Variants in SLC22A23 observed in about 807,000 individuals in gnomAD.
SLC22A23 encodes ion transporter protein.
SLC22A23 carries 26 observed loss-of-function variants against 61.0 expected under a neutral mutation model. The ratio of observed to expected loss-of-function variants is 0.43; its 90% CI spans 0.31 to 0.59. The LOEUF (loss-of-function observed/expected upper bound fraction) is 0.59. SLC22A23 is among the 20% of genes least tolerant of loss of function. The pLI, the probability that SLC22A23 is intolerant of heterozygous loss-of-function variation, is 0.11. For synonymous variants in SLC22A23, 430 were observed against 413.9 expected, an observed-to-expected ratio of 1.04 and a Z score of -0.47; for missense variants, 796 against 934.7, an observed-to-expected ratio of 0.85 and a Z score of 1.94.
intron 3 of SLC22A23, among the ~76,000 whole-genome samples, chr6:3,339,199 A>C (rs1764021492): frequency 6.6e-6 from 1 of 152,214 alleles, no homozygotes; most frequent in Admixed American, 6.5e-5. Flanking sequence ...CTCCTCTTCC[A>C]ACTTTAATAA....
chr6:3,315,641 G>A (rs1329575938), intron 4 of SLC22A23, among the ~76,000 whole-genome samples: 2 of 152,060 alleles, frequency 1.3e-5, no homozygotes, highest in Non-Finnish European at 2.9e-5. Flanking sequence ...CGAGGCAGGC[G>A]GATCACTAGG....
rs1374428178 is a variant in SLC22A23 at position 3,309,614 on chromosome 6, G to A, written c.1083-11396C>T. ...CTGACCATAATAAGGACTGTGGGCT[G>A]ACGAGCAGGTGGCAGGAGGCAGCGG... On this transcript the variant is annotated intron_variant, in intron 4 of 9. Coordinates refer to ENST00000406686, the MANE Select transcript of SLC22A23 (RefSeq NM_015482.2). The surrounding 1 kb of genome is among the most constrained non-coding windows in gnomAD (Gnocchi z 4.7). 3.3e-5 allele frequency among the ~76,000 whole-genome samples: 5 copies of A among 152,176 alleles called. No individual in the cohort carries two copies. Among genetic ancestry groups the A allele is most frequent in the Non-Finnish European group, 5.9e-5 (4 of 68,026 alleles).
At chr6:3,323,247 A>T (rs1393792046) in intron 4 of SLC22A23, 1 of 456,404 alleles carries the variant, frequency 2.2e-6, no homozygotes, top group South Asian at 1.5e-5. Context: ...AAATATTTTC[A>T]GCTTTATACC....
At chr6:3,298,966 G>A (rs1416433779) in intron 4 of SLC22A23, among the ~76,000 whole-genome samples, 2 of 117,888 alleles carry the variant, frequency 1.7e-5, no homozygotes, top group African/African-American at 8.0e-5. Context: ...GCGACAGAGC[G>A]AGACTCCGTC....
intron 3 of SLC22A23, among the ~76,000 whole-genome samples, chr6:3,351,659 C>T (rs1438369089): frequency 6.8e-6 from 1 of 146,878 alleles, no homozygotes; most frequent in Non-Finnish European, 1.5e-5. Context: ...CCTAAGAACA[C>T]GTCACTGGCC....
rs1207813531 is a variant in SLC22A23, at chr6:3,286,160, G to A, written c.1546+699C>T. Among the ~76,000 whole-genome samples, 1 of 150,822 alleles carries A rather than the reference G, an allele frequency of 6.6e-6. No individual in the cohort carries two copies. The highest frequency in any genetic ancestry group is 6.6e-5 in the Admixed American group (1 of 15,136). The stretch of plus-strand genomic sequence containing the variant: ...GTCACCCAGGCTGGAGTGCAGTGCT[G>A]CGATCTCAGCTTACTGCAACCTCTG... On this transcript the variant is annotated intron_variant, in intron 7 of 9. Transcript: ENST00000406686. This position sits in a 1 kb window ranked among gnomAD's most constrained non-coding sequence, Gnocchi z 4.2.
chr6:3,456,493 C>T lies in SLC22A23; in HGVS notation c.67G>A (p.Glu23Lys). The change falls in exon 1 of 10, where the codon GAG (glutamate) becomes AAG (lysine). Residue 23 changes from glutamate to lysine, a missense_variant. Glu to Lys is a moderately conservative substitution (Grantham distance 56). Transcript: ENST00000406686. The surrounding 1 kb of genome is among the most constrained non-coding windows in gnomAD (Gnocchi z 7.1). Reference sequence around the variant, plus strand: ...TCCCCGGGCGGCAGGGAGCCGTTCTCCTCGGCCGGGGCCGGCTGCCGCCCA... The same window carrying T: ...TCCCCGGGCGGCAGGGAGCCGTTCTTCTCGGCCGGGGCCGGCTGCCGCCCA... ...GPGRQPAPAE[E>K]NGSLPPGDAA... 8.9e-7 allele frequency: 1 copy of T among 1,119,102 alleles called. No individual in the cohort carries two copies. Among genetic ancestry groups the T allele is most frequent in the Non-Finnish European group, 1.1e-6 (1 of 917,670 alleles). 69.3% of individuals were successfully genotyped at this position (1,119,102 alleles called of 1,614,324 possible).
intron 3 of SLC22A23, among the ~76,000 whole-genome samples, chr6:3,344,234 G>T (rs1366465109): frequency 2.6e-5 from 4 of 152,194 alleles, no homozygotes; most frequent in African/African-American, 7.2e-5. Context: ...ATGTCAAAAT[G>T]AAAACACCTT....
rs9503570 is a variant in SLC22A23 at position 3,377,641 on chromosome 6, G to A, written c.913+32547C>T. Among the ~76,000 whole-genome samples the A allele has an allele frequency of 5.0e-3, 741 of 146,808 alleles. 6 individuals are homozygous for A. The highest frequency in any genetic ancestry group is 0.017 in the African/African-American group (673 of 39,446). Reference sequence around the variant, plus strand: ...AGTAAACTGTGCCCCTCCAAGTCTCGCACTGAACGTGTCTAGGCTGCAGAT... The same window carrying A: ...AGTAAACTGTGCCCCTCCAAGTCTCACACTGAACGTGTCTAGGCTGCAGAT... On this transcript the variant is annotated intron_variant, in intron 3 of 9. Coordinates refer to ENST00000406686, the MANE Select transcript of SLC22A23 (RefSeq NM_015482.2).
At chr6:3,448,996 A>G (rs1322058994) in intron 1 of SLC22A23, among the ~76,000 whole-genome samples, 1 of 152,198 alleles carries the variant, frequency 6.6e-6, no homozygotes, top group Non-Finnish European at 1.5e-5. Flanking sequence ...CTATCTCCCA[A>G]ACGGAGGTGG....
At chr6:3,448,908 G>A (rs1370706650) in intron 1 of SLC22A23, among the ~76,000 whole-genome samples, 1 of 148,524 alleles carries the variant, frequency 6.7e-6, no homozygotes, top group African/African-American at 2.6e-5. Flanking sequence ...GAGACGGAGA[G>A]GGAGAGGGAG....
intron 1 of SLC22A23, among the ~76,000 whole-genome samples, chr6:3,419,933 A>G (rs189275807): frequency 9.3e-4 from 142 of 152,276 alleles, no homozygotes; most frequent in Admixed American, 1.7e-3. Flanking sequence ...CTAATACAAG[A>G]GTCTCTCTGC....
At chr6:3,408,891 C>T (rs543067127) in intron 3 of SLC22A23, among the ~76,000 whole-genome samples, 3 of 152,330 alleles carry the variant, frequency 2.0e-5, no homozygotes, top group African/African-American at 4.8e-5. Context: ...AGGGTCCCGG[C>T]GCACTTGCAC....
At chr6:3,305,126 C>T (rs1218547849) in intron 4 of SLC22A23, among the ~76,000 whole-genome samples, 2 of 152,148 alleles carry the variant, frequency 1.3e-5, no homozygotes, top group African/African-American at 2.4e-5. Flanking sequence ...CACCAGTGTC[C>T]CCCGTGTGTG....
At chr6:3,287,932 G>C (rs1290934188) in intron 6 of SLC22A23, among the ~76,000 whole-genome samples, 1 of 152,160 alleles carries the variant, frequency 6.6e-6, no homozygotes, top group African/African-American at 2.4e-5. Flanking sequence ...TGATCCGCCT[G>C]CCTTGGCTTC....
intron 3 of SLC22A23, among the ~76,000 whole-genome samples, chr6:3,406,485 G>T (rs1214153211): frequency 6.6e-6 from 1 of 151,940 alleles, no homozygotes; most frequent in Non-Finnish European, 1.5e-5. Flanking sequence ...TTCTTTTCTT[G>T]GTCCGTGCCC....
At chr6:3,396,174 G>T (rs1440779725) in intron 3 of SLC22A23, among the ~76,000 whole-genome samples, 1 of 152,150 alleles carries the variant, frequency 6.6e-6, no homozygotes, top group Non-Finnish European at 1.5e-5. Context: ...GTAGAGGAGG[G>T]CATGGTCCCT....
chr6:3,446,196 C>G (rs1378658689), intron 1 of SLC22A23, among the ~76,000 whole-genome samples: 1 of 152,130 alleles, frequency 6.6e-6, no homozygotes, highest in East Asian at 1.9e-4. Flanking sequence ...GGTGGGAGCC[C>G]CTGCCAGCCC....
At chr6:3,319,325 A>AG (rs1408605689) in intron 4 of SLC22A23, among the ~76,000 whole-genome samples, 1 of 152,154 alleles carries the variant, frequency 6.6e-6, no homozygotes, top group African/African-American at 2.4e-5. Flanking sequence ...CCCTTTGTCT[A>AG]GAACACTTTT....
Sources: allele counts gnomAD v4.1 joint callset (sites outside exome capture counted in the v4.1 genomes callset), GRCh38; gene constraint gnomAD v4.1.1; non-coding constraint Gnocchi (gnomAD v3.1); transcripts MANE v1.5; gene names NCBI Gene and HGNC (gene_info 2026-07-23, HGNC 2026-07-21).